The following PTBP2 variants were observed in gnomAD, a reference collection of about 807,000 sequenced individuals.
PTBP2 encodes polypyrimidine tract-binding protein 2.
PTBP2 carries 13 observed loss-of-function variants against 61.4 expected under a neutral mutation model. The ratio of observed to expected loss-of-function variants is 0.21; its 90% CI spans 0.14 to 0.34. The LOEUF is 0.34. PTBP2 is among the 10% of genes least tolerant of loss of function. The probability of loss-of-function intolerance (pLI) is 1.00; values close to 1 mark genes in which losing one functional copy is unlikely to be tolerated. For synonymous variants in PTBP2, 215 were observed against 218.5 expected (o/e 0.98, Z 0.14); for missense variants, 405 against 642.6 (o/e 0.63, Z 4.00).
chr1:96,741,445 A>G (rs1211011979), intron 2 of PTBP2, among the ~76,000 whole-genome samples: 1 of 151,990 alleles, frequency 6.6e-6, no homozygotes. Context: ...ATTTTTTTGT[A>G]GAGATGGAGT....
intron 2 of PTBP2, among the ~76,000 whole-genome samples, chr1:96,729,990 G>GT (rs1476698776): frequency 2.0e-5 from 3 of 152,106 alleles, no homozygotes; most frequent in Non-Finnish European, 4.4e-5. Context: ...GCCTCACAAA[G>GT]TGCTGGGATT....
chr1:96,738,383 C>T (rs756497848), intron 2 of PTBP2, among the ~76,000 whole-genome samples: 1 of 151,764 alleles, frequency 6.6e-6, no homozygotes, highest in Non-Finnish European at 1.5e-5. Flanking sequence ...AGGCCATTCT[C>T]CTGCCTCAGC....
chr1:96,787,334 T>G (rs2101082260), intron 8 of PTBP2, among the ~76,000 whole-genome samples: 1 of 152,342 alleles, frequency 6.6e-6, no homozygotes. Context: ...TTTTGTTCAT[T>G]TTTTGAGCGT....
chr1:96,721,904 TGA>T (rs1170868104), intron 1 of PTBP2, 32 bp downstream of exon 1: 10 of 1,570,060 alleles, frequency 6.4e-6, no homozygotes, highest in Middle Eastern at 1.7e-4. Context: ...AAGGTGTGTG[TGA>T]GAGAGGAGTT....
chr1:96,792,640 G>A (rs1659971802), intron 8 of PTBP2, among the ~76,000 whole-genome samples: 1 of 151,762 alleles, frequency 6.6e-6, no homozygotes, highest in Non-Finnish European at 1.5e-5. Flanking sequence ...AGTCCATTAA[G>A]TATTTAGCCT....
At chr1:96,781,104 A>G (rs1279580175) in intron 7 of PTBP2, among the ~76,000 whole-genome samples, 1 of 152,088 alleles carries the variant, frequency 6.6e-6, no homozygotes, top group East Asian at 1.9e-4. Flanking sequence ...CTTAATGTCA[A>G]TATTGGCATA....
chr1:96,782,035 T>C (rs1426534901), intron 7 of PTBP2, among the ~76,000 whole-genome samples: 1 of 152,020 alleles, frequency 6.6e-6, no homozygotes, highest in Non-Finnish European at 1.5e-5. Flanking sequence ...ATAAGACATA[T>C]AATGTAATCT....
chr1:96,775,030 A>G (rs1222489730), intron 5 of PTBP2, among the ~76,000 whole-genome samples: 1 of 152,168 alleles, frequency 6.6e-6, no homozygotes, highest in Non-Finnish European at 1.5e-5. Flanking sequence ...CTCACACTTC[A>G]CATGGCCAGT....
chr1:96,817,685 A>G (rs1444176845), downstream of PTBP2: 1 of 152,088 alleles, frequency 6.6e-6, no homozygotes, highest in African/African-American at 2.4e-5. Flanking sequence ...GAAATCCCAT[A>G]TGAACCTCTT....
chr1:96,762,834 T>C (rs1216793341), intron 3 of PTBP2, among the ~76,000 whole-genome samples: 3 of 143,594 alleles, frequency 2.1e-5, no homozygotes, highest in Non-Finnish European at 3.0e-5. Context: ...GGGCGGCTGC[T>C]GGGCGGAGGG....
chr1:96,724,349 C>G (rs1650073174), intron 2 of PTBP2, among the ~76,000 whole-genome samples: 2 of 152,150 alleles, frequency 1.3e-5, no homozygotes, highest in South Asian at 4.2e-4. Context: ...CTCCTGGGTT[C>G]AAGCAGTTCT....
intron 2 of PTBP2, 80 bp from the exon 3 acceptor site, chr1:96,751,345 T>G (rs1354862212): frequency 2.7e-6 from 3 of 1,106,936 alleles, no homozygotes; most frequent in Non-Finnish European, 4.1e-6. Flanking sequence ...GTGTAACATT[T>G]GACATTTAAG....
intron 2 of PTBP2, among the ~76,000 whole-genome samples, chr1:96,737,134 C>T (rs1163991697): frequency 1.3e-5 from 2 of 152,020 alleles, no homozygotes; most frequent in Non-Finnish European, 2.9e-5. Flanking sequence ...CGCCTGCCAC[C>T]ACACCCGGCT....
At chr1:96,741,549 G>T (rs902456132) in intron 2 of PTBP2, among the ~76,000 whole-genome samples, 4 of 152,008 alleles carry the variant, frequency 2.6e-5, no homozygotes, top group Non-Finnish European at 2.9e-5. Context: ...GGCGTGAGTC[G>T]CTGTGCCTGG....
intron 8 of PTBP2, among the ~76,000 whole-genome samples, chr1:96,786,280 G>A (rs1387978187): frequency 6.6e-6 from 1 of 152,110 alleles, no homozygotes; most frequent in Non-Finnish European, 1.5e-5. Context: ...TTTGATTCTG[G>A]TAACTAATAA....
chr1:96,792,112 C>G (rs1163227263), intron 8 of PTBP2, among the ~76,000 whole-genome samples: 2 of 152,042 alleles, frequency 1.3e-5, no homozygotes, highest in African/African-American at 4.8e-5. Flanking sequence ...GCTGGGATTA[C>G]GGGCGTGAGC....
At chr1:96,768,570 C>T (rs2101004397) in intron 3 of PTBP2, among the ~76,000 whole-genome samples, 1 of 152,102 alleles carries the variant, frequency 6.6e-6, no homozygotes, top group Middle Eastern at 3.4e-3. Flanking sequence ...AACCATTGAT[C>T]TGGCATAGTA....
chr1:96,799,604 T>C (rs1182922214), intron 8 of PTBP2, among the ~76,000 whole-genome samples: 1 of 152,194 alleles, frequency 6.6e-6, no homozygotes, highest in Admixed American at 6.5e-5. Flanking sequence ...TCTGCTGCCT[T>C]AGCTAAAGAT....
exon 14 of PTBP2, chr1:96,821,228 A>G (rs1278278513): frequency 1.3e-5 from 2 of 152,196 alleles, no homozygotes; most frequent in African/African-American, 4.8e-5. Context: ...TGAGATAATT[A>G]TGAGACATTT....
Sources: gnomAD v4.1 joint callset for allele counts (sites outside exome capture counted in the v4.1 genomes callset) on GRCh38, gnomAD v4.1.1 for gene constraint, MANE v1.5 for transcripts, NCBI Gene and HGNC (gene_info 2026-07-23, HGNC 2026-07-21) for gene names.